Variants in MARK1 observed in about 807,000 individuals in gnomAD.
The protein encoded by MARK1 is serine/threonine-protein kinase MARK1.
Under a neutral mutation model 96.3 loss-of-function variants are expected in MARK1, and 40 were observed. That is an observed-to-expected ratio of 0.42 (90% CI 0.32 to 0.54). The LOEUF is 0.54. MARK1 is among the 20% of genes least tolerant of loss of function. The pLI is 0.16. For missense variants in MARK1, 719 were observed against 984.6 expected, an observed-to-expected ratio of 0.73 and a Z score of 3.61; for synonymous variants, 317 against 341.2, an observed-to-expected ratio of 0.93 and a Z score of 0.78.
chr1:220,641,071 C>T (rs1337511725), intron 13 of MARK1, among the ~76,000 whole-genome samples: 2 of 152,170 alleles, frequency 1.3e-5, no homozygotes, highest in African/African-American at 4.8e-5. Flanking sequence ...AACTTGGGAG[C>T]TAAGTGTTGA....
Position 220,618,300 on chromosome 1 carries a change from T to C in MARK1, c.553-10T>C, listed in dbSNP as rs1666869071. Reference sequence around the variant, plus strand: ...TTTTTACATTGTTCTTTCTATTATTTTCCTCTTAGGCTGAAAACCTTCTCC... The same window carrying C: ...TTTTTACATTGTTCTTTCTATTATTCTCCTCTTAGGCTGAAAACCTTCTCC... On this transcript the variant is annotated splice_polypyrimidine_tract_variant and intron_variant, in intron 7 of 17. Transcript: ENST00000366917. This position sits in a 1 kb window ranked among gnomAD's most constrained non-coding sequence, Gnocchi z 4.6. 6.6e-7 allele frequency: 1 copy of C among 1,517,738 alleles called. No individual in the cohort carries two copies. The highest frequency in any genetic ancestry group is 9.1e-7 in the Non-Finnish European group (1 of 1,093,478). 94.0% of individuals were successfully genotyped at this position (1,517,738 alleles called of 1,614,324 possible).
At chr1:220,585,811 TTA>T (rs1389702592) in intron 3 of MARK1, among the ~76,000 whole-genome samples, 8 of 152,216 alleles carry the variant, frequency 5.3e-5, no homozygotes, top group Non-Finnish European at 7.3e-5. Flanking sequence ...TACCTAATGC[TTA>T]TTCATTTTCC....
chr1:220,569,356 T>C (rs74139775), intron 1 of MARK1, among the ~76,000 whole-genome samples: 1,711 of 152,226 alleles, frequency 0.011, 26 homozygotes, highest in African/African-American at 0.039. Context: ...TTTTAAAAAA[T>C]CAACTACTGT....
Position 220,534,359 on chromosome 1 carries a change from C to T in MARK1, c.51+5486C>T, listed in dbSNP as rs902754251. On this transcript the variant is annotated intron_variant, in intron 1 of 17. Transcript: ENST00000366917. ...CAATTGATTAGTTAACTATAGTCAC[C>T]TCAGTGATCTATTGAACACGAGGTC... Among the ~76,000 whole-genome samples the T allele has an allele frequency of 3.3e-5, 5 of 152,116 alleles. No individual in the cohort carries two copies. The South Asian group carries it at 8.3e-4, about 25-fold the overall frequency.
chr1:220,534,219 T>C lies in MARK1; in HGVS notation c.51+5346T>C, dbSNP rs534750201. ...GTGCATATTTTGGGGGTATATGTGT[T>C]AATTTGATACATTCATATAATCAAA... is the stretch of plus-strand genomic sequence containing the variant. On this transcript the variant is annotated intron_variant, in intron 1 of 17. Coordinates refer to ENST00000366917, the MANE Select transcript of MARK1 (RefSeq NM_018650.5). Among the ~76,000 whole-genome samples, 7 of 152,238 alleles carry C rather than the reference T, an allele frequency of 4.6e-5. No individual in the cohort carries two copies. The East Asian group carries it at 1.3e-3, about 29-fold the overall frequency.
intron 3 of MARK1, 43 bp from the exon 4 acceptor site, chr1:220,598,288 G>GTTT: frequency 1.9e-6 from 1 of 515,894 alleles, no homozygotes; most frequent in Non-Finnish European, 3.7e-6. Context: ...CTGCTTGCTT[G>GTTT]TTTTTTTTTA....
intron 9 of MARK1, among the ~76,000 whole-genome samples, chr1:220,623,834 C>T (rs1667172150): frequency 6.6e-6 from 1 of 152,220 alleles, no homozygotes; most frequent in African/African-American, 2.4e-5. Context: ...CACTGTTCCT[C>T]ACATCCTTCT....
intron 1 of MARK1, among the ~76,000 whole-genome samples, chr1:220,562,948 A>G (rs1295149429): frequency 6.6e-6 from 1 of 152,138 alleles, no homozygotes; most frequent in Non-Finnish European, 1.5e-5. Context: ...GATGTGGGAC[A>G]CTACAGATGT....
intron 13 of MARK1, among the ~76,000 whole-genome samples, chr1:220,639,500 G>A (rs1304837306): frequency 1.3e-5 from 2 of 152,120 alleles, no homozygotes; most frequent in Non-Finnish European, 2.9e-5. Flanking sequence ...TTGGTGAAGT[G>A]TTCAGAGTTT....
At chr1:220,634,282 G>C (rs566062898) in intron 11 of MARK1, among the ~76,000 whole-genome samples, 1 of 152,048 alleles carries the variant, frequency 6.6e-6, no homozygotes, top group Non-Finnish European at 1.5e-5. Flanking sequence ...ACCATGCCAC[G>C]CATGAATTTA....
chr1:220,598,103 C>T (rs1665496483), intron 3 of MARK1, among the ~76,000 whole-genome samples: 1 of 152,078 alleles, frequency 6.6e-6, no homozygotes, highest in African/African-American at 2.4e-5. Context: ...AGTTCATCTA[C>T]TTAAAATTCT....
chr1:220,587,031 T>A (rs1045365386), intron 3 of MARK1, among the ~76,000 whole-genome samples: 3 of 152,176 alleles, frequency 2.0e-5, no homozygotes, highest in African/African-American at 7.2e-5. Flanking sequence ...TGAAGACCCA[T>A]GTGTCATTTC....
chr1:220,577,584 A>T (rs768966213), intron 1 of MARK1, among the ~76,000 whole-genome samples: 5 of 152,230 alleles, frequency 3.3e-5, no homozygotes, highest in Non-Finnish European at 5.9e-5. Flanking sequence ...TTTCATATTC[A>T]GTAGGTCTGG....
intron 3 of MARK1, among the ~76,000 whole-genome samples, chr1:220,586,011 A>ACACACACGCACGCGCG (rs112968910): frequency 6.7e-6 from 1 of 148,536 alleles, no homozygotes; most frequent in Non-Finnish European, 1.5e-5. Context: ...ACACACACAC[A>ACACACACGCACGCGCG]CGCGCGCGTG....
chr1:220,566,290 A>G (rs1433513861), intron 1 of MARK1, among the ~76,000 whole-genome samples: 1 of 152,142 alleles, frequency 6.6e-6, no homozygotes, highest in African/African-American at 2.4e-5. Context: ...GACAAAATGG[A>G]AGAGAAGTGA....
intron 1 of MARK1, among the ~76,000 whole-genome samples, chr1:220,574,586 A>G (rs1233126876): frequency 1.3e-5 from 2 of 152,162 alleles, no homozygotes; most frequent in Non-Finnish European, 2.9e-5. Context: ...GCCAGATTCT[A>G]TGTTGTGAAA....
At chr1:220,535,877 C>G (rs1267558639) in intron 1 of MARK1, among the ~76,000 whole-genome samples, 6 of 152,044 alleles carry the variant, frequency 3.9e-5, no homozygotes, top group Non-Finnish European at 1.5e-5. Context: ...ATATCTCTGT[C>G]TTTAAGCTAT....
At chr1:220,602,693 C>A (rs183809278) in intron 5 of MARK1, among the ~76,000 whole-genome samples, 1 of 152,190 alleles carries the variant, frequency 6.6e-6, no homozygotes. Context: ...CCATTCATTT[C>A]TCTGTTCTCA....
intron 7 of MARK1, among the ~76,000 whole-genome samples, chr1:220,617,240 T>C (rs1666806834): frequency 6.6e-6 from 1 of 152,200 alleles, no homozygotes; most frequent in Non-Finnish European, 1.5e-5. Flanking sequence ...TTTTATTGTA[T>C]ATTTTGGGTT....
Sources: allele counts gnomAD v4.1 joint callset (sites outside exome capture counted in the v4.1 genomes callset), GRCh38; gene constraint gnomAD v4.1.1; non-coding constraint Gnocchi (gnomAD v3.1); transcripts MANE v1.5; gene names NCBI Gene and HGNC (gene_info 2026-07-23, HGNC 2026-07-21).